ATP6V1A: variants seen among roughly 807,000 people sequenced by gnomAD.
ATP6V1A encodes V-type proton ATPase catalytic subunit A.
ATP6V1A carries 18 observed loss-of-function variants against 70.1 expected under a neutral mutation model. The observed-to-expected ratio is 0.26, with a 90% CI of 0.18 to 0.38. The LOEUF is 0.38. Among genes scored for constraint, ATP6V1A ranks in the 10% least tolerant of loss-of-function variants. The pLI, the probability that ATP6V1A is intolerant of heterozygous loss-of-function variation, is 1.00. For synonymous variants in ATP6V1A, 232 were observed against 253.8 expected (o/e 0.91, Z 0.82); for missense variants, 424 against 772.4 (o/e 0.55, Z 5.35).
intron 4 of ATP6V1A, 67 bp downstream of exon 4, chr3:113,784,505 A>G: frequency 6.8e-7 from 1 of 1,477,552 alleles, no homozygotes; most frequent in Non-Finnish European, 9.3e-7. Context: ...TTAGTAAACT[A>G]CATTGTACTC....
At chr3:113,797,217 G>A (rs997041978) in intron 11 of ATP6V1A, among the ~76,000 whole-genome samples, 10 of 150,840 alleles carry the variant, frequency 6.6e-5, no homozygotes, top group African/African-American at 1.7e-4. Context: ...GATTACAAGC[G>A]TGAGCCACCA....
intron 1 of ATP6V1A, among the ~76,000 whole-genome samples, chr3:113,772,112 T>G (rs1438365247): frequency 6.6e-6 from 1 of 152,214 alleles, no homozygotes; most frequent in Non-Finnish European, 1.5e-5. Context: ...GAGTGATTGT[T>G]GCTTGTGAGA....
At chr3:113,754,464 T>C (rs535851933) in intron 1 of ATP6V1A, among the ~76,000 whole-genome samples, 1 of 151,982 alleles carries the variant, frequency 6.6e-6, no homozygotes, top group South Asian at 2.1e-4. Flanking sequence ...TCCCGGGGCA[T>C]TCAAGGTTTC....
intron 14 of ATP6V1A, among the ~76,000 whole-genome samples, chr3:113,806,732 T>C (rs538485555): frequency 3.7e-4 from 56 of 152,336 alleles, no homozygotes; most frequent in Admixed American, 2.8e-3. Flanking sequence ...AGTGCTGGGA[T>C]TACAGGCGTG....
At chr3:113,756,083 C>T (rs1462969253) in intron 1 of ATP6V1A, among the ~76,000 whole-genome samples, 3 of 152,126 alleles carry the variant, frequency 2.0e-5, no homozygotes, top group Non-Finnish European at 2.9e-5. Flanking sequence ...ATGAGATAGG[C>T]ACTATTTTTC....
intron 14 of ATP6V1A, among the ~76,000 whole-genome samples, chr3:113,807,855 C>T (rs1238967434): frequency 3.3e-5 from 5 of 151,892 alleles, no homozygotes; most frequent in South Asian, 4.2e-4. Flanking sequence ...AGTTGTTGGC[C>T]GGGCGCATTG....
intron 1 of ATP6V1A, among the ~76,000 whole-genome samples, chr3:113,752,492 G>A (rs929261920): frequency 1.3e-5 from 2 of 151,800 alleles, no homozygotes; most frequent in African/African-American, 4.8e-5. Flanking sequence ...AATGTCAGTA[G>A]GCATTGCAAA....
intron 12 of ATP6V1A, among the ~76,000 whole-genome samples, chr3:113,801,933 C>A (rs2712367): frequency 0.38 from 52,825 of 138,154 alleles, 9,951 homozygotes; most frequent in African/African-American, 0.51. Flanking sequence ...AAAAAAAAAA[C>A]AAAACTGGAG....
chr3:113,789,072 A>C (rs1369347446), intron 7 of ATP6V1A, among the ~76,000 whole-genome samples, 197 bp downstream of exon 7: 1 of 152,084 alleles, frequency 6.6e-6, no homozygotes, highest in Non-Finnish European at 1.5e-5. Flanking sequence ...TGTGTGATGG[A>C]GTTTCACTCT....
intron 8 of ATP6V1A, among the ~76,000 whole-genome samples, chr3:113,791,978 C>T (rs1709096814): frequency 6.7e-6 from 1 of 150,136 alleles, no homozygotes; most frequent in African/African-American, 2.5e-5. Context: ...TTTTTCCATA[C>T]CCTTATTTGG....
At chr3:113,792,986 A>AT (rs545100869) in intron 8 of ATP6V1A, among the ~76,000 whole-genome samples, 142 of 151,954 alleles carry the variant, frequency 9.3e-4, no homozygotes, top group African/African-American at 3.1e-3. Flanking sequence ...CCTTGTGTTC[A>AT]TTTTCCTTTT....
At position 113,795,224 on chromosome 3, in the gene ATP6V1A, ACTTTG is replaced by A; in HGVS notation, c.1226+22_1226+26del. On this transcript the variant is annotated intron_variant, in intron 10 of 14. Coordinates refer to ENST00000273398, the MANE Select transcript of ATP6V1A (RefSeq NM_001690.4). ...AGGAGCGTAAGCACCCACACTATTT[ACTTTG>A]CAAAAGGAAAAAAGTCACAGATGTA... 6.2e-7 allele frequency: 1 copy of A among 1,606,002 alleles called. No homozygotes were observed. Among genetic ancestry groups the A allele is most frequent in the African/African-American group, 1.3e-5 (1 of 74,500 alleles).
In ATP6V1A at chr3:113,798,714, G is replaced by A. The variant is rs181643418; in HGVS notation, c.1494+268G>A. 2.6e-5 allele frequency among the ~76,000 whole-genome samples: 4 copies of A among 152,262 alleles called. No individual in the cohort carries two copies. The East Asian group carries it at 7.7e-4, about 29-fold the overall frequency. ...GAGGTAGTAGATTTAGGATTTGTTA[G>A]CATACATTTTTGTAGGAATGCTAGG... On this transcript the variant is annotated intron_variant, in intron 12 of 14. Transcript: ENST00000273398.
intron 1 of ATP6V1A, among the ~76,000 whole-genome samples, chr3:113,767,755 A>C (rs1232817344): frequency 6.6e-6 from 1 of 152,056 alleles, no homozygotes; most frequent in Non-Finnish European, 1.5e-5. Context: ...GGGTTCAAGC[A>C]ATTCTCTGCC....
chr3:113,754,547 A>G (rs1708625753), intron 1 of ATP6V1A, among the ~76,000 whole-genome samples: 1 of 152,072 alleles, frequency 6.6e-6, no homozygotes, highest in Non-Finnish European at 1.5e-5. Context: ...AGTAAGAAAA[A>G]AAAAAAGAAA....
intron 1 of ATP6V1A, chr3:113,747,421 C>G (rs1708535547): frequency 6.6e-6 from 1 of 152,408 alleles, no homozygotes; most frequent in Admixed American, 6.5e-5. Flanking sequence ...ACAGGGTCTG[C>G]AGTAGACATT....
chr3:113,765,762 CAAA>C (rs398052207), intron 1 of ATP6V1A, among the ~76,000 whole-genome samples: 1 of 127,310 alleles, frequency 7.9e-6, no homozygotes, highest in Non-Finnish European at 1.7e-5. Context: ...ACTAAAAATA[CAAA>C]AAAAAAAAAA....
chr3:113,808,287 C>CT (rs748064694), intron 14 of ATP6V1A, among the ~76,000 whole-genome samples: 55,750 of 89,798 alleles, frequency 0.62, 17,053 homozygotes, highest in South Asian at 0.71. Context: ...AAGTCTGTCT[C>CT]TTTTTTTTTT....
At chr3:113,756,787 T>A (rs1708651114) in intron 1 of ATP6V1A, among the ~76,000 whole-genome samples, 1 of 152,254 alleles carries the variant, frequency 6.6e-6, no homozygotes, top group African/African-American at 2.4e-5. Context: ...TTGCTGATTT[T>A]ATGTACCAAA....
Sources: gnomAD v4.1 joint callset for allele counts (sites outside exome capture counted in the v4.1 genomes callset) on GRCh38, gnomAD v4.1.1 for gene constraint, MANE v1.5 for transcripts, NCBI Gene and HGNC (gene_info 2026-07-23, HGNC 2026-07-21) for gene names.